RDX: variants seen among roughly 807,000 people sequenced by gnomAD.
RDX encodes radixin, also known as deafness, autosomal recessive 24.
A neutral mutation model predicts 83.7 loss-of-function variants in RDX; 32 were observed. That is an observed-to-expected ratio of 0.38 (90% CI 0.29 to 0.51). RDX has a LOEUF of 0.51. RDX is among the 20% of genes least tolerant of loss of function. The pLI is 0.87. For missense variants in RDX, 600 were observed against 689.9 expected (o/e 0.87, Z 1.46); for synonymous variants, 229 against 222.7 (o/e 1.03, Z -0.25).
intron 2 of RDX, among the ~76,000 whole-genome samples, chr11:110,277,382 C>T (rs529381025): frequency 6.6e-5 from 10 of 152,128 alleles, no homozygotes; most frequent in Admixed American, 5.9e-4. Context: ...TGCAGTGGTG[C>T]GATCTTGGCT....
intron 2 of RDX, among the ~76,000 whole-genome samples, chr11:110,277,708 T>C (rs574083328): frequency 7.2e-5 from 11 of 152,312 alleles, no homozygotes; most frequent in African/African-American, 2.2e-4. Context: ...TGTGTTATTA[T>C]TCAACTGTAA....
intron 15 of RDX, among the ~76,000 whole-genome samples, chr11:110,178,239 C>A (rs974932991): frequency 6.6e-6 from 1 of 152,184 alleles, no homozygotes; most frequent in Non-Finnish European, 1.5e-5. Context: ...CTAACAAAAG[C>A]AAGGGGGCCC....
intron 10 of RDX, among the ~76,000 whole-genome samples, chr11:110,242,865 C>T (rs1434590606): frequency 7.2e-6 from 1 of 139,064 alleles, no homozygotes; most frequent in Non-Finnish European, 1.6e-5. Context: ...CAATCCAATG[C>T]TTTTTTTTTT....
At chr11:110,180,767 A>G (rs1373106555) in intron 15 of RDX, among the ~76,000 whole-genome samples, 1 of 149,842 alleles carries the variant, frequency 6.7e-6, no homozygotes, top group African/African-American at 2.5e-5. Flanking sequence ...GCCTGGCTTT[A>G]TCCTTCCAGG....
intron 14 of RDX, among the ~76,000 whole-genome samples, chr11:110,208,002 T>C (rs1863669227): frequency 6.6e-6 from 1 of 151,558 alleles, no homozygotes; most frequent in South Asian, 2.1e-4. Flanking sequence ...TTTTTTTTTT[T>C]TAATAGAGAC....
At chr11:110,197,531 T>C (rs1863245958) in intron 15 of RDX, among the ~76,000 whole-genome samples, 1 of 152,232 alleles carries the variant, frequency 6.6e-6, no homozygotes. Context: ...TGACTTTTCA[T>C]GCAGAAACTT....
downstream of RDX, among the ~76,000 whole-genome samples, chr11:110,228,492 A>G (rs1305620378): frequency 1.3e-5 from 2 of 152,060 alleles, no homozygotes; most frequent in Admixed American, 6.5e-5. Context: ...TACTAATGGT[A>G]TCTAAGCTTT....
chr11:110,259,559 G>C (rs1859715413), intron 5 of RDX, among the ~76,000 whole-genome samples: 1 of 152,192 alleles, frequency 6.6e-6, no homozygotes, highest in Admixed American at 6.5e-5. Context: ...CAGACATACT[G>C]TTATGTTCTT....
chr11:110,202,256 G>A (rs555992769), intron 14 of RDX, among the ~76,000 whole-genome samples: 87 of 151,940 alleles, frequency 5.7e-4, no homozygotes, highest in African/African-American at 1.8e-3. Flanking sequence ...TTACCCGAGC[G>A]TGGTGGCCTG....
At position 110,258,206 on chromosome 11, in the gene RDX, A is replaced by G. The variant is rs777468601; in HGVS notation, c.468-17T>C. On this transcript the variant is annotated splice_polypyrimidine_tract_variant and intron_variant, in intron 5 of 13. Coordinates refer to ENST00000645495, the MANE Select transcript of RDX (RefSeq NM_002906.4). ...TCCAATACACTAAGAGGACCAAAAA[A>G]AAAAAAAAATTATAATGACTTTAAG... 1.8e-5 allele frequency: 28 copies of G among 1,526,134 alleles called. No individual in the cohort carries two copies. The highest frequency in any genetic ancestry group is 2.5e-5 in the Non-Finnish European group (28 of 1,117,356). The allele number at this position is 1,526,134 out of a possible 1,614,324, so 94.5% of individuals were successfully genotyped here.
At chr11:110,246,378 CA>C (rs994305118) in intron 10 of RDX, among the ~76,000 whole-genome samples, 3 of 152,106 alleles carry the variant, frequency 2.0e-5, no homozygotes, top group African/African-American at 7.2e-5. Context: ...TGTAAGAAAT[CA>C]AAATATATCT....
chr11:110,210,008 GAGA>G (rs1459618731), intron 14 of RDX, among the ~76,000 whole-genome samples: 3 of 137,912 alleles, frequency 2.2e-5, no homozygotes, highest in Non-Finnish European at 4.7e-5. Flanking sequence ...GACGAGCTGA[GAGA>G]AGAAGGCTTC....
chr11:110,270,031 G>C (rs557160354), intron 3 of RDX, among the ~76,000 whole-genome samples: 56 of 152,174 alleles, frequency 3.7e-4, no homozygotes, highest in Admixed American at 7.2e-4. Context: ...CGACAGGAGT[G>C]AGAGCCAATC....
At chr11:110,187,948 C>A (rs1863019401) in intron 15 of RDX, among the ~76,000 whole-genome samples, 1 of 152,102 alleles carries the variant, frequency 6.6e-6, no homozygotes, top group African/African-American at 2.4e-5. Context: ...CCACACTGCC[C>A]AATATAAAAC....
At chr11:110,239,642 G>C (rs1475816912) in intron 10 of RDX, among the ~76,000 whole-genome samples, 1 of 152,042 alleles carries the variant, frequency 6.6e-6, no homozygotes, top group African/African-American at 2.4e-5. Context: ...TCTCACCCCA[G>C]TCAAAATGGC....
intron 5 of RDX, 57 bp downstream of exon 5, chr11:110,263,903 A>T: frequency 1.4e-6 from 2 of 1,446,452 alleles, no homozygotes; most frequent in Non-Finnish European, 1.9e-6. Flanking sequence ...CGTTTTATTT[A>T]TAGACTTCTA....
intron 15 of RDX, chr11:110,185,759 C>G (rs1011963604): frequency 5.3e-5 from 8 of 152,290 alleles, no homozygotes; most frequent in African/African-American, 1.9e-4. Flanking sequence ...CCCAGACTTG[C>G]CCCTCCCAGG....
chr11:110,259,203 G>A (rs1233325970), intron 5 of RDX, among the ~76,000 whole-genome samples: 1 of 152,206 alleles, frequency 6.6e-6, no homozygotes, highest in Non-Finnish European at 1.5e-5. Flanking sequence ...CTCCCAAAGT[G>A]CTGGGATTAC....
chr11:110,211,647 G>T (rs1863842719), intron 14 of RDX, among the ~76,000 whole-genome samples: 1 of 145,712 alleles, frequency 6.9e-6, no homozygotes, highest in Admixed American at 6.9e-5. Flanking sequence ...TCAGACCACA[G>T]TGCAATCAAA....
Sources: gnomAD v4.1 joint callset for allele counts (sites outside exome capture counted in the v4.1 genomes callset) on GRCh38, gnomAD v4.1.1 for gene constraint, MANE v1.5 for transcripts, NCBI Gene and HGNC (gene_info 2026-07-23, HGNC 2026-07-21) for gene names.